Variants in NEK11 observed in about 807,000 individuals in gnomAD.
NEK11 encodes serine/threonine-protein kinase Nek11.
In NEK11, 72 loss-of-function variants were observed where a neutral mutation model predicts 80.7. The observed-to-expected ratio is 0.89, with a 90% CI of 0.74 to 1.08. The LOEUF is 1.08. Among genes scored for constraint, NEK11 ranks in the 50% least tolerant of loss-of-function variants. The pLI, the probability that NEK11 is intolerant of heterozygous loss-of-function variation, is 0.00. For missense variants in NEK11, 764 were observed against 763.6 expected (o/e 1.00, Z -0.01); for synonymous variants, 251 against 260.7 (o/e 0.96, Z 0.36).
At chr3:131,142,587 G>A (rs975773893) in intron 7 of NEK11, among the ~76,000 whole-genome samples, 3 of 152,176 alleles carry the variant, frequency 2.0e-5, no homozygotes, top group African/African-American at 7.2e-5. Context: ...AGTTGGTTAT[G>A]TAAGGATGCT....
chr3:131,148,862 C>T (rs2089010289), intron 7 of NEK11, among the ~76,000 whole-genome samples: 3 of 151,288 alleles, frequency 2.0e-5, no homozygotes. Flanking sequence ...AAATTTTATG[C>T]ATACATAATA....
In NEK11 at chr3:131,109,915, A is replaced by G. The variant is rs147575246; in HGVS notation, c.449A>G (p.His150Arg). The G allele has an allele frequency of 3.0e-5, 48 of 1,597,120 alleles. No homozygotes were observed. In the Admixed American group the frequency reaches 4.3e-4, roughly 14 times the overall value. ...IQLLLGVDYM[H>R]ERRILHRDLK... is the part of the protein sequence containing the mutation. ...CTGCTGCTGGGAGTTGACTACATGC[A>G]TGAGAGGTATGTTCATTTGCTACTG... The change falls in exon 5 of 18, where the codon CAT (histidine) becomes CGT (arginine). Residue 150 changes from histidine to arginine, a missense_variant. Physicochemically the swap from His to Arg is conservative, Grantham distance 29. Coordinates refer to ENST00000383366, the MANE Select transcript of NEK11 (RefSeq NM_024800.5).
intron 17 of NEK11, among the ~76,000 whole-genome samples, chr3:131,290,489 G>A (rs183188440): frequency 8.5e-5 from 13 of 152,362 alleles, no homozygotes; most frequent in Non-Finnish European, 5.9e-5. Context: ...CTTGAGAGAA[G>A]CAGGGAGAAT....
At chr3:131,199,795 A>T (rs2094160042) in intron 14 of NEK11, among the ~76,000 whole-genome samples, 1 of 152,310 alleles carries the variant, frequency 6.6e-6, no homozygotes, top group East Asian at 1.9e-4. Context: ...CTTATATACC[A>T]CTAAAGCAGA....
chr3:131,348,309 A>G (rs1057447186), intron 17 of NEK11, among the ~76,000 whole-genome samples: 5 of 152,206 alleles, frequency 3.3e-5, no homozygotes, highest in African/African-American at 9.7e-5. Flanking sequence ...TGGAGTAAAT[A>G]TTGGCACATA....
At chr3:131,181,853 A>G (rs1238063972) in intron 14 of NEK11, among the ~76,000 whole-genome samples, 1 of 151,472 alleles carries the variant, frequency 6.6e-6, no homozygotes, top group Admixed American at 6.6e-5. Flanking sequence ...GCTATATTGG[A>G]TTATGTCTGC....
At chr3:131,117,907 T>C (rs1351390321) in intron 5 of NEK11, among the ~76,000 whole-genome samples, 3 of 152,216 alleles carry the variant, frequency 2.0e-5, no homozygotes, top group East Asian at 3.8e-4. Flanking sequence ...TATATGATTA[T>C]GTCGTCTGCA....
chr3:131,272,463 C>CTTTTGTTTTTTTTT (rs2096211395), intron 16 of NEK11, among the ~76,000 whole-genome samples: 1 of 43,884 alleles, frequency 2.3e-5, no homozygotes, highest in African/African-American at 9.1e-5. Context: ...GTTTTAGCTT[C>CTTTTGTTTTTTTTT]TTTTTTTTTT....
intron 5 of NEK11, among the ~76,000 whole-genome samples, chr3:131,111,141 A>G (rs928653380): frequency 6.6e-6 from 1 of 152,180 alleles, no homozygotes; most frequent in African/African-American, 2.4e-5. Context: ...TCTATGCACA[A>G]AATACAAAAC....
Position 131,248,412 on chromosome 3 carries a change from G to A in NEK11, c.1621+4916G>A, listed in dbSNP as rs1004183531. On this transcript the variant is annotated intron_variant, in intron 16 of 17. Transcript: ENST00000383366. ...GTGTTTGTGTTTATGGAGTACATGA[G>A]ATTTTTTAAATAGGCATACAATACA... Among the ~76,000 whole-genome samples, 11 of 152,186 alleles carry A rather than the reference G, an allele frequency of 7.2e-5. No homozygotes were observed. In the South Asian group the frequency reaches 2.3e-3, roughly 32 times the overall value.
intron 15 of NEK11, among the ~76,000 whole-genome samples, chr3:131,238,832 T>A (rs950429830): frequency 6.6e-6 from 1 of 152,162 alleles, no homozygotes; most frequent in African/African-American, 2.4e-5. Flanking sequence ...TTAGGTGGCA[T>A]ATACACAGGT....
intron 7 of NEK11, among the ~76,000 whole-genome samples, chr3:131,149,006 T>A (rs1190982604): frequency 6.6e-6 from 1 of 152,086 alleles, no homozygotes; most frequent in Non-Finnish European, 1.5e-5. Context: ...TTCCAAGTCT[T>A]CTAACTATTT....
chr3:131,121,773 G>A (rs940497672), intron 5 of NEK11, among the ~76,000 whole-genome samples: 7 of 152,306 alleles, frequency 4.6e-5, no homozygotes, highest in South Asian at 4.1e-4. Context: ...GTGGGTGTGG[G>A]ACCCTCCAAG....
chr3:131,318,657 T>A (rs969821165), intron 17 of NEK11, among the ~76,000 whole-genome samples: 4 of 151,860 alleles, frequency 2.6e-5, no homozygotes, highest in Admixed American at 6.6e-5. Flanking sequence ...AGTATATTGT[T>A]AACCGAGAAA....
Position 131,273,507 on chromosome 3 carries a change from G to A in NEK11, c.1651G>A (p.Asp551Asn), listed in dbSNP as rs757818448. ...AAAGACCATCACCACCATGGCTGAA[G>A]ACATGTCCCCAGGACCACCAATTTT... is the stretch of plus-strand genomic sequence containing the variant. Reference protein sequence around the residue: ...DTKTITTMAEDMSPGPPIFNS... With the variant: ...DTKTITTMAENMSPGPPIFNS... The change falls in exon 17 of 18, where the codon GAC becomes AAC. Residue 551 changes from aspartate (D) to asparagine (N), a missense_variant. Asp to Asn is a conservative substitution (Grantham distance 23, BLOSUM62 1). Transcript: ENST00000383366. The A allele has an allele frequency of 6.2e-7, 1 of 1,614,058 alleles. No homozygotes were observed. The highest frequency in any genetic ancestry group is 2.2e-5 in the East Asian group (1 of 44,872).
intron 17 of NEK11, among the ~76,000 whole-genome samples, chr3:131,337,093 G>C (rs2097198231): frequency 6.6e-6 from 1 of 152,138 alleles, no homozygotes; most frequent in Non-Finnish European, 1.5e-5. Flanking sequence ...AATACCATTT[G>C]ACCCAGCCAT....
At chr3:131,305,727 T>C (rs2096716743) in intron 17 of NEK11, among the ~76,000 whole-genome samples, 1 of 152,208 alleles carries the variant, frequency 6.6e-6, no homozygotes, top group Non-Finnish European at 1.5e-5. Flanking sequence ...CAGAGGTTGA[T>C]GGCAAGAGTG....
intron 17 of NEK11, among the ~76,000 whole-genome samples, chr3:131,336,607 A>G (rs2097189128): frequency 6.6e-6 from 1 of 152,202 alleles, no homozygotes; most frequent in Admixed American, 6.5e-5. Context: ...CAAAAGCCAA[A>G]ATTGACAAAT....
Position 131,184,451 on chromosome 3 carries a change from G to A in NEK11, c.1399+13564G>A, listed in dbSNP as rs551624220. Among the ~76,000 whole-genome samples the A allele has an allele frequency of 2.0e-5, 3 of 152,264 alleles. No individual in the cohort carries two copies. The South Asian group carries it at 6.2e-4, about 32-fold the overall frequency. Reference sequence around the variant, plus strand: ...AAAGAGTATGGACCATGTCCGTCTTGCTCACCATTTTATTCCTACCTACTT... The same window carrying A: ...AAAGAGTATGGACCATGTCCGTCTTACTCACCATTTTATTCCTACCTACTT... On this transcript the variant is annotated intron_variant, in intron 14 of 17. Transcript: ENST00000383366.
Sources: allele counts gnomAD v4.1 joint callset (sites outside exome capture counted in the v4.1 genomes callset), GRCh38; gene constraint gnomAD v4.1.1; transcripts MANE v1.5; gene names NCBI Gene and HGNC (gene_info 2026-07-23, HGNC 2026-07-21).